Variants in THSD7B observed in about 807,000 individuals in gnomAD.
THSD7B encodes thrombospondin type-1 domain-containing protein 7B.
A neutral mutation model predicts 213.6 loss-of-function variants in THSD7B; 138 were observed. The ratio of observed to expected loss-of-function variants is 0.65; its 90% CI spans 0.56 to 0.74. THSD7B has a LOEUF of 0.74. Ranked by LOEUF, THSD7B falls within the 30% of genes least tolerant of loss-of-function variation. THSD7B has a pLI of 0.00. For synonymous variants in THSD7B, 742 were observed against 687.0 expected (o/e 1.08, Z -1.25); for missense variants, 1,931 against 1,991.5 (o/e 0.97, Z 0.58).
chr2:137,206,406 A>G (rs1294023305), intron 7 of THSD7B, among the ~76,000 whole-genome samples: 1 of 152,098 alleles, frequency 6.6e-6, no homozygotes, highest in Non-Finnish European at 1.5e-5. Flanking sequence ...TAAAGTCCCA[A>G]ATACACAATC....
intron 2 of THSD7B, among the ~76,000 whole-genome samples, chr2:136,947,779 T>C (rs911087119): frequency 2.6e-5 from 4 of 152,194 alleles, no homozygotes; most frequent in African/African-American, 9.7e-5. Context: ...TGTTTACATG[T>C]TTTTTGCCTC....
Position 137,399,985 on chromosome 2 carries a change from C to T in THSD7B, c.2501-5628C>T, listed in dbSNP as rs1011103933. 4.6e-5 allele frequency among the ~76,000 whole-genome samples: 7 copies of T among 152,210 alleles called. No homozygotes were observed. In the South Asian group the frequency reaches 1.4e-3, roughly 32 times the overall value. Reference sequence around the variant, plus strand: ...TTTACTGGGTCTAATCTACTATTAACATTTTTAATGTATTTTGAAATTTCT... The same window carrying T: ...TTTACTGGGTCTAATCTACTATTAATATTTTTAATGTATTTTGAAATTTCT... On this transcript the variant is annotated intron_variant, in intron 12 of 27. Transcript: ENST00000409968.
chr2:137,522,409 T>C (rs17690837), intron 15 of THSD7B, among the ~76,000 whole-genome samples: 30,635 of 152,230 alleles, frequency 0.2, 3,288 homozygotes, highest in South Asian at 0.28. Context: ...CACAGAGTTG[T>C]GACTGCCTTG....
chr2:137,474,874 A>T (rs1688163746), intron 15 of THSD7B, among the ~76,000 whole-genome samples: 1 of 152,218 alleles, frequency 6.6e-6, no homozygotes, highest in East Asian at 1.9e-4. Context: ...CTAATCCTTG[A>T]TCAATGATAG....
chr2:137,087,124 A>G (rs763329038), intron 3 of THSD7B, among the ~76,000 whole-genome samples: 1 of 152,078 alleles, frequency 6.6e-6, no homozygotes, highest in Non-Finnish European at 1.5e-5. Flanking sequence ...TCACAATACT[A>G]CATGAGGAAG....
intron 17 of THSD7B, among the ~76,000 whole-genome samples, chr2:137,598,031 C>T (rs750448136): frequency 2.0e-5 from 3 of 152,132 alleles, no homozygotes; most frequent in Non-Finnish European, 4.4e-5. Context: ...ACTTCTCTTG[C>T]TCCCTCACTC....
At chr2:137,259,620 C>T (rs1329446466) in intron 10 of THSD7B, among the ~76,000 whole-genome samples, 1 of 152,070 alleles carries the variant, frequency 6.6e-6, no homozygotes, top group South Asian at 2.1e-4. Flanking sequence ...AATTTTCTCC[C>T]ATTCTGTATG....
chr2:137,560,486 C>G (rs1301104344), intron 15 of THSD7B, among the ~76,000 whole-genome samples: 2 of 152,094 alleles, frequency 1.3e-5, no homozygotes, highest in African/African-American at 4.8e-5. Flanking sequence ...ACCACATGTT[C>G]TCACTCATAG....
chr2:137,222,086 G>A (rs1681384113), intron 7 of THSD7B, among the ~76,000 whole-genome samples: 1 of 152,076 alleles, frequency 6.6e-6, no homozygotes, highest in Non-Finnish European at 1.5e-5. Flanking sequence ...TTTCTATTTG[G>A]AATGTCCTTT....
rs572918548 is a variant in THSD7B at position 137,195,430 on chromosome 2, C to T, written c.1723+24492C>T. 5.3e-5 allele frequency among the ~76,000 whole-genome samples: 8 copies of T among 152,110 alleles called. No individual in the cohort carries two copies. The East Asian group carries it at 1.2e-3, about 22-fold the overall frequency. The stretch of plus-strand genomic sequence containing the variant: ...AACCCTGGGCCCCTTAGAAAAATAG[C>T]TGATTCCTGGTGCGAATCAGAAAAA... On this transcript the variant is annotated intron_variant, in intron 7 of 27. Coordinates refer to ENST00000409968, the MANE Select transcript of THSD7B (RefSeq NM_001316349.2).
rs573279751 is a variant in THSD7B at position 137,453,134 on chromosome 2, G to A, written c.3138+2111G>A. Among the ~76,000 whole-genome samples, 20 of 151,852 alleles carry A rather than the reference G, an allele frequency of 1.3e-4. 2 individuals carry two copies. The South Asian group carries it at 4.2e-3, about 32-fold the overall frequency. On this transcript the variant is annotated intron_variant, in intron 15 of 27. Transcript: ENST00000409968. ...ATTTCAGATATCAAGTATGTATGTG[G>A]CTAAATTAAGAACCTCACCCGAATC... is the stretch of plus-strand genomic sequence containing the variant.
At chr2:137,373,964 C>T (rs976936437) in intron 12 of THSD7B, among the ~76,000 whole-genome samples, 1 of 152,130 alleles carries the variant, frequency 6.6e-6, no homozygotes, top group Admixed American at 6.5e-5. Flanking sequence ...GAATCCTTTC[C>T]CCATTGCTTG....
intron 12 of THSD7B, among the ~76,000 whole-genome samples, chr2:137,297,978 G>A (rs1683507374): frequency 6.6e-6 from 1 of 152,082 alleles, no homozygotes; most frequent in African/African-American, 2.4e-5. Flanking sequence ...GGGCATTGTT[G>A]AAAGAATACC....
intron 21 of THSD7B, among the ~76,000 whole-genome samples, chr2:137,651,657 T>G (rs376626755): frequency 6.6e-6 from 1 of 152,112 alleles, no homozygotes; most frequent in Non-Finnish European, 1.5e-5. Context: ...ATTAAATTAT[T>G]TGAATTCTTT....
At chr2:137,220,752 G>A (rs79849432) in intron 7 of THSD7B, among the ~76,000 whole-genome samples, 1,959 of 151,550 alleles carry the variant, frequency 0.013, 54 homozygotes, top group East Asian at 0.075. Flanking sequence ...ATGCACAATC[G>A]CCAAAACCTG....
intron 3 of THSD7B, among the ~76,000 whole-genome samples, chr2:137,075,616 C>T (rs1345068837): frequency 1.3e-5 from 2 of 152,178 alleles, no homozygotes; most frequent in East Asian, 1.9e-4. Flanking sequence ...CAGCTTTGTT[C>T]TGTTGGTGGT....
chr2:136,940,641 C>T (rs1259079263), intron 2 of THSD7B, among the ~76,000 whole-genome samples: 3 of 151,352 alleles, frequency 2.0e-5, no homozygotes, highest in Non-Finnish European at 4.4e-5. Context: ...ATCCATCCAC[C>T]TTGGCCTCCC....
intron 1 of THSD7B, among the ~76,000 whole-genome samples, chr2:136,820,550 G>T (rs1255042466): frequency 6.6e-6 from 1 of 152,100 alleles, no homozygotes; most frequent in African/African-American, 2.4e-5. Flanking sequence ...TACTACAAAT[G>T]AAAAAGAAAG....
chr2:136,944,484 T>A (rs1684889138), intron 2 of THSD7B, among the ~76,000 whole-genome samples: 1 of 152,212 alleles, frequency 6.6e-6, no homozygotes, highest in Admixed American at 6.5e-5. Flanking sequence ...CAGTGGGGTG[T>A]TAAAGTCTCC....
Sources: allele counts gnomAD v4.1 joint callset (sites outside exome capture counted in the v4.1 genomes callset), GRCh38; gene constraint gnomAD v4.1.1; transcripts MANE v1.5; gene names NCBI Gene and HGNC (gene_info 2026-07-23, HGNC 2026-07-21).